CLVS2: variants seen among roughly 807,000 people sequenced by gnomAD.
CLVS2 encodes clavesin-2.
In CLVS2, 19 loss-of-function variants were observed where a neutral mutation model predicts 29.0. The ratio of observed to expected loss-of-function variants is 0.66; its 90% CI spans 0.46 to 0.96. The LOEUF is 0.96. Among genes scored for constraint, CLVS2 ranks in the 40% least tolerant of loss-of-function variants. The pLI, the probability that CLVS2 is intolerant of heterozygous loss-of-function variation, is 0.00. For missense variants in CLVS2, 294 were observed against 404.1 expected (o/e 0.73, Z 2.34); for synonymous variants, 161 against 151.3 (o/e 1.06, Z -0.47).
Position 123,011,664 on chromosome 6 carries a change from G to C in CLVS2, c.564+505G>C, listed in dbSNP as rs767916966. Among the ~76,000 whole-genome samples, 15 of 151,970 alleles carry C rather than the reference G, an allele frequency of 9.9e-5. No individual in the cohort carries two copies. The Middle Eastern group carries it at 0.01, about 103-fold the overall frequency. ...TCATTGGGTTTTTTTGTGAGTGGGA[G>C]GGGCTGTCACATGGAATTTATATAG... On this transcript the variant is annotated intron_variant, in intron 3 of 5. Coordinates refer to ENST00000275162, the MANE Select transcript of CLVS2 (RefSeq NM_001010852.4).
At position 122,997,670 on chromosome 6, in the gene CLVS2, C is replaced by A. The variant is rs1274381588; in HGVS notation, c.-108C>A. 5 of 1,027,178 alleles carry A rather than the reference C, an allele frequency of 4.9e-6. No homozygotes were observed. The Admixed American group carries it at 8.8e-5, about 18-fold the overall frequency. 63.6% of individuals were successfully genotyped at this position (1,027,178 alleles called of 1,614,324 possible). On this transcript the variant is annotated 5_prime_UTR_variant, in exon 2 of 6. Coordinates refer to ENST00000275162, the MANE Select transcript of CLVS2 (RefSeq NM_001010852.4). ...TTAATTTCCTGTAGGGGAGAGGAAG[C>A]AGGCAGCAGGAGGTCTGGGGGCTGG...
intron 2 of CLVS2, among the ~76,000 whole-genome samples, chr6:123,002,598 A>ATAAAATAAAATAAAATAAAG (rs1305891063): frequency 6.6e-6 from 1 of 151,520 alleles, no homozygotes; most frequent in Non-Finnish European, 1.5e-5. Flanking sequence ...ATAAAATAAA[A>ATAAAATAAAATAAAATAAAG]TAAAATAAAA....
chr6:123,015,074 C>CAG (rs1007620677), intron 3 of CLVS2, among the ~76,000 whole-genome samples: 2 of 151,924 alleles, frequency 1.3e-5, no homozygotes, highest in African/African-American at 4.8e-5. Context: ...ACATACTGAT[C>CAG]AGAGCAACAT....
intron 5 of CLVS2, among the ~76,000 whole-genome samples, chr6:123,056,275 A>G (rs1379557348): frequency 6.6e-6 from 1 of 152,092 alleles, no homozygotes; most frequent in African/African-American, 2.4e-5. Context: ...ATATTTGAAA[A>G]CTGTAGTAAC....
intron 2 of CLVS2, among the ~76,000 whole-genome samples, chr6:123,007,834 T>C (rs145025355): frequency 2.0e-5 from 3 of 152,306 alleles, no homozygotes; most frequent in African/African-American, 4.8e-5. Context: ...TCTTTCAGCA[T>C]ACAAGAGAAG....
intron 3 of CLVS2, among the ~76,000 whole-genome samples, chr6:123,023,772 C>A (rs1459777025): frequency 6.6e-6 from 1 of 152,052 alleles, no homozygotes; most frequent in Non-Finnish European, 1.5e-5. Flanking sequence ...ATCAAGCATT[C>A]CTGGGCTTAA....
chr6:123,055,728 A>T, intron 4 of CLVS2, 78 bp from the exon 5 acceptor site: 2 of 1,021,904 alleles, frequency 2.0e-6, no homozygotes, highest in Non-Finnish European at 3.1e-6. Flanking sequence ...TGCTATCCTC[A>T]CATCCCCCCT....
In CLVS2 at chr6:123,070,603, T is replaced by C. The variant is rs2114380691; in HGVS notation, c.*6842T>C. The C allele has an allele frequency of 6.6e-6, 1 of 152,136 alleles. No homozygotes were observed. The highest frequency in any genetic ancestry group is 1.5e-5 in the Non-Finnish European group (1 of 67,950). The allele number at this position is 152,136 out of a possible 1,614,324, so 9.4% of individuals were successfully genotyped here. ...AAGAGTAAAAGCCGATGTCTTTATA[T>C]CAGTGTATGAGAAGTCTTGATATGA... On this transcript the variant is annotated 3_prime_UTR_variant, in exon 6 of 6. Transcript: ENST00000275162.
At position 123,048,669 on chromosome 6, in the gene CLVS2, A is replaced by G. The variant is rs1772558130; in HGVS notation, c.612A>G (p.Pro204=). 4 of 1,613,614 alleles carry G rather than the reference A, an allele frequency of 2.5e-6. No individual in the cohort carries two copies. The highest frequency in any genetic ancestry group is 3.4e-6 in the Non-Finnish European group (4 of 1,179,638). The change falls in exon 4 of 6, where the codon CCA becomes CCG. Residue 204 remains proline (P), a synonymous_variant. Transcript: ENST00000275162. ...RFGGIHFVNQ[P]WYIHALYTVI... ...GAGGAATTCATTTTGTCAATCAACC[A>G]TGGTATATCCATGCCCTGTACACCG...
chr6:123,039,469 C>T (rs1775198437), intron 3 of CLVS2, among the ~76,000 whole-genome samples: 2 of 152,122 alleles, frequency 1.3e-5, no homozygotes, highest in Admixed American at 6.6e-5. Context: ...TTTTATAAGG[C>T]GGTAGTTTTT....
chr6:123,043,237 T>A (rs1381579352), intron 3 of CLVS2, among the ~76,000 whole-genome samples: 2 of 152,232 alleles, frequency 1.3e-5, no homozygotes, highest in Non-Finnish European at 2.9e-5. Flanking sequence ...CTTAGAGTAT[T>A]GTGTCTTCCT....
intron 3 of CLVS2, among the ~76,000 whole-genome samples, chr6:123,018,684 TTA>T (rs1491548620): frequency 1.8e-5 from 2 of 112,292 alleles, no homozygotes; most frequent in East Asian, 3.0e-4. Flanking sequence ...TTTTTTTTTT[TTA>T]AAAAAAAGTG....
chr6:123,023,789 C>T (rs1178686562), intron 3 of CLVS2, among the ~76,000 whole-genome samples: 1 of 152,074 alleles, frequency 6.6e-6, no homozygotes, highest in Non-Finnish European at 1.5e-5. Context: ...TTAAATCTTG[C>T]CCGTATCATG....
intron 3 of CLVS2, among the ~76,000 whole-genome samples, chr6:123,044,970 A>G (rs907154199): frequency 1.5e-4 from 23 of 152,218 alleles, no homozygotes; most frequent in African/African-American, 5.5e-4. Context: ...TAATATGGTA[A>G]CCCTGTATCT....
chr6:123,039,618 G>T (rs147124832), intron 3 of CLVS2, among the ~76,000 whole-genome samples: 33 of 152,226 alleles, frequency 2.2e-4, no homozygotes, highest in African/African-American at 7.9e-4. Context: ...AGCAGCAGCT[G>T]ACTTAAACAA....
At chr6:123,059,674 G>T (rs1772746909) in intron 5 of CLVS2, among the ~76,000 whole-genome samples, 1 of 152,118 alleles carries the variant, frequency 6.6e-6, no homozygotes, top group Non-Finnish European at 1.5e-5. Context: ...AAAACTGACT[G>T]GTATGGGGGT....
intron 3 of CLVS2, among the ~76,000 whole-genome samples, chr6:123,037,288 T>C (rs1166663744): frequency 6.6e-6 from 1 of 152,128 alleles, no homozygotes; most frequent in Non-Finnish European, 1.5e-5. Context: ...CCCCTCTGTA[T>C]ACAATTGTTC....
chr6:123,050,070 A>G (rs1772582369), intron 4 of CLVS2, among the ~76,000 whole-genome samples: 4 of 152,250 alleles, frequency 2.6e-5, no homozygotes, highest in Admixed American at 1.3e-4. Flanking sequence ...ATCAGTGAAC[A>G]GAGGGTTTAC....
chr6:123,050,350 G>A (rs1772587037), intron 4 of CLVS2, among the ~76,000 whole-genome samples: 2 of 152,136 alleles, frequency 1.3e-5, no homozygotes. Context: ...GCCACATGCT[G>A]TTCTCAGTGC....
Sources: gnomAD v4.1 joint callset for allele counts (sites outside exome capture counted in the v4.1 genomes callset) on GRCh38, gnomAD v4.1.1 for gene constraint, MANE v1.5 for transcripts, NCBI Gene and HGNC (gene_info 2026-07-23, HGNC 2026-07-21) for gene names.